Variants in KCTD16 observed in about 807,000 individuals in gnomAD.
KCTD16 encodes the protein BTB/POZ domain-containing protein KCTD16.
KCTD16 carries 13 observed loss-of-function variants against 33.2 expected under a neutral mutation model. The observed-to-expected ratio is 0.39, with a 90% CI of 0.25 to 0.62. The LOEUF is 0.62. Among genes scored for constraint, KCTD16 ranks in the 20% least tolerant of loss-of-function variants. The probability of loss-of-function intolerance (pLI) is 0.50; values close to 1 mark genes in which losing one functional copy is unlikely to be tolerated. For missense variants in KCTD16, 441 were observed against 525.1 expected (o/e 0.84, Z 1.57); for synonymous variants, 197 against 195.3 (o/e 1.01, Z -0.07).
chr5:144,262,033 T>C (rs1306990475), intron 3 of KCTD16, among the ~76,000 whole-genome samples: 3 of 152,214 alleles, frequency 2.0e-5, no homozygotes, highest in Admixed American at 2.0e-4. Context: ...GCTACAATCA[T>C]GTTCCTCCCT....
chr5:144,258,923 G>GC (rs1308969413), intron 3 of KCTD16, among the ~76,000 whole-genome samples: 1 of 151,904 alleles, frequency 6.6e-6, no homozygotes, highest in Non-Finnish European at 1.5e-5. Flanking sequence ...CTACTTTCTT[G>GC]CCACACCACA....
chr5:144,390,592 T>C (rs1181015671), intron 3 of KCTD16, among the ~76,000 whole-genome samples: 1 of 152,044 alleles, frequency 6.6e-6, no homozygotes. Context: ...GTTTGTTGCG[T>C]AGGTATACAT....
chr5:144,404,476 C>T (rs1052625386), intron 3 of KCTD16, among the ~76,000 whole-genome samples: 1 of 152,098 alleles, frequency 6.6e-6, no homozygotes, highest in African/African-American at 2.4e-5. Flanking sequence ...GATAAGTATC[C>T]TGGTGATGGA....
chr5:144,171,607 C>G (rs945359189), intron 1 of KCTD16, among the ~76,000 whole-genome samples: 1 of 152,140 alleles, frequency 6.6e-6, no homozygotes, highest in African/African-American at 2.4e-5. Context: ...GTTGTGACAG[C>G]TAAAAATCTC....
Position 144,174,375 on chromosome 5 carries a change from GCTATATCCAC to G in KCTD16, c.-423_-414del, listed in dbSNP as rs1752458576. ...CATGGGCAGTTTTCTCCTACCGTCA[GCTATATCCAC>G]AAGCATCACATGAAGTGGAGATCTG... On this transcript the variant is annotated 5_prime_UTR_variant, in exon 2 of 4. An upstream open reading frame in the 5' UTR gains an earlier in-frame stop. Coordinates refer to ENST00000512467, the MANE Select transcript of KCTD16 (RefSeq NM_020768.4). 1 of 152,174 alleles carries G rather than the reference GCTATATCCAC, an allele frequency of 6.6e-6. No homozygotes were observed. Among genetic ancestry groups the G allele is most frequent in the Non-Finnish European group, 1.5e-5 (1 of 68,040 alleles). 9.4% of individuals were successfully genotyped at this position (152,174 alleles called of 1,614,324 possible).
chr5:144,354,183 T>C (rs1580896375), intron 3 of KCTD16, among the ~76,000 whole-genome samples: 1 of 152,148 alleles, frequency 6.6e-6, no homozygotes, highest in East Asian at 1.9e-4. Context: ...TGTAACTCGC[T>C]TTTATCACTT....
intron 3 of KCTD16, among the ~76,000 whole-genome samples, chr5:144,240,173 G>A (rs1363711956): frequency 6.6e-6 from 1 of 152,134 alleles, no homozygotes; most frequent in Admixed American, 6.6e-5. Flanking sequence ...AGATATGTCT[G>A]TGTCTAAAGT....
At chr5:144,383,008 G>A (rs964405729) in intron 3 of KCTD16, 1 of 152,122 alleles carries the variant, frequency 6.6e-6, no homozygotes, top group African/African-American at 2.4e-5. Context: ...AATCTGCTCT[G>A]GCAAAATAGT....
chr5:144,463,198 A>G (rs1471048865), intron 3 of KCTD16, among the ~76,000 whole-genome samples: 1 of 152,198 alleles, frequency 6.6e-6, no homozygotes, highest in Non-Finnish European at 1.5e-5. Flanking sequence ...CTTTGGTAGA[A>G]AGCCCATGAT....
At chr5:144,435,428 A>G (rs569361795) in intron 3 of KCTD16, among the ~76,000 whole-genome samples, 1 of 152,274 alleles carries the variant, frequency 6.6e-6, no homozygotes, top group East Asian at 1.9e-4. Flanking sequence ...CATGAATATC[A>G]CTTCATGTTT....
intron 3 of KCTD16, among the ~76,000 whole-genome samples, chr5:144,399,708 C>T (rs999281541): frequency 2.6e-5 from 4 of 152,092 alleles, no homozygotes; most frequent in Admixed American, 6.6e-5. Context: ...AAATAAGTTG[C>T]TCATGAATAT....
chr5:144,306,214 G>C (rs1561561186), intron 3 of KCTD16, among the ~76,000 whole-genome samples: 3 of 152,236 alleles, frequency 2.0e-5, no homozygotes, highest in Admixed American at 2.0e-4. Flanking sequence ...CTTGAGCAGA[G>C]AAGGTAACAG....
At chr5:144,205,828 A>C (rs1304595048) in intron 2 of KCTD16, 1 of 358,470 alleles carries the variant, frequency 2.8e-6, no homozygotes, top group Non-Finnish European at 4.9e-6. Flanking sequence ...ACCTACATAC[A>C]TACATAAATA....
In KCTD16 at chr5:144,230,860, G is replaced by C. The variant is rs140616220; in HGVS notation, c.832+23314G>C. 1.5e-3 allele frequency among the ~76,000 whole-genome samples: 229 copies of C among 152,336 alleles called. 2 individuals are homozygous for C. Among genetic ancestry groups the C allele is most frequent in the African/African-American group, 5.1e-3 (210 of 41,584 alleles). ...GTCGTATAGAATAAGAAGTTTGTCA[G>C]GCAGACAACACAAGGAACAGCATTC... On this transcript the variant is annotated intron_variant, in intron 3 of 3. Transcript: ENST00000512467.
intron 3 of KCTD16, among the ~76,000 whole-genome samples, chr5:144,378,961 T>C (rs982676908): frequency 6.6e-6 from 1 of 152,188 alleles, no homozygotes; most frequent in African/African-American, 2.4e-5. Flanking sequence ...GCGATATTAA[T>C]TGTGGCCTTT....
intron 3 of KCTD16, among the ~76,000 whole-genome samples, chr5:144,455,542 C>T (rs1754042601): frequency 6.6e-6 from 1 of 152,148 alleles, no homozygotes; most frequent in Admixed American, 6.5e-5. Context: ...CAAGACACAA[C>T]TACTGTGTTC....
intron 3 of KCTD16, among the ~76,000 whole-genome samples, chr5:144,421,396 G>A (rs1284821420): frequency 1.3e-5 from 2 of 152,108 alleles, no homozygotes; most frequent in Non-Finnish European, 2.9e-5. Flanking sequence ...TGGGGAGTCA[G>A]TTATCTACTT....
At chr5:144,403,606 C>G (rs866147896) in intron 3 of KCTD16, among the ~76,000 whole-genome samples, 1 of 152,184 alleles carries the variant, frequency 6.6e-6, no homozygotes, top group Non-Finnish European at 1.5e-5. Context: ...TTGTCGATTT[C>G]TGGCCTCTGG....
Position 144,409,576 on chromosome 5 carries a change from G to A in KCTD16, c.833-64084G>A, listed in dbSNP as rs913971110. 4.6e-5 allele frequency among the ~76,000 whole-genome samples: 7 copies of A among 151,634 alleles called. No individual in the cohort carries two copies. The East Asian group carries it at 9.8e-4, about 21-fold the overall frequency. On this transcript the variant is annotated intron_variant, in intron 3 of 3. Coordinates refer to ENST00000512467, the MANE Select transcript of KCTD16 (RefSeq NM_020768.4). ...GACAGCAATGAAAACAGGCAATTGC[G>A]GGCCAGACGCTGTGGCTCACGCCTG...
Sources: allele counts gnomAD v4.1 joint callset (sites outside exome capture counted in the v4.1 genomes callset), GRCh38; gene constraint gnomAD v4.1.1; transcripts MANE v1.5; gene names NCBI Gene and HGNC (gene_info 2026-07-23, HGNC 2026-07-21).